Variants in ARHGAP23 observed in about 807,000 individuals in gnomAD.
ARHGAP23 encodes the protein rho GTPase-activating protein 23.
In ARHGAP23, 34 loss-of-function variants were observed where a neutral mutation model predicts 136.3. The ratio of observed to expected loss-of-function variants is 0.25; its 90% CI spans 0.19 to 0.33. ARHGAP23 has a LOEUF of 0.33. ARHGAP23 is among the 10% of genes least tolerant of loss of function. The pLI is 1.00. For synonymous variants in ARHGAP23, 832 were observed against 920.5 expected (o/e 0.90, Z 1.74); for missense variants, 1,808 against 2,139.0 (o/e 0.85, Z 3.05).
chr17:38,454,730 G>A (rs541178329), intron 1 of ARHGAP23, among the ~76,000 whole-genome samples: 180 of 152,246 alleles, frequency 1.2e-3, no homozygotes, highest in South Asian at 5.0e-3. Context: ...GTCACAGTGG[G>A]CGCCATGCCC....
At chr17:38,473,142 C>T (rs574463018) in intron 11 of ARHGAP23, among the ~76,000 whole-genome samples, 15 of 144,536 alleles carry the variant, frequency 1.0e-4, no homozygotes, top group East Asian at 6.1e-4. Context: ...TTAGTAGAGA[C>T]GGAGTTTCAC....
chr17:38,437,208 AT>A lies in ARHGAP23; in HGVS notation c.63+8675del, dbSNP rs11384705. ...GACAGGAGGATTGCTTGACGCCAGG[AT>A]TTTTTTTTTTTTTTGAGAGAGGGTT... On this transcript the variant is annotated intron_variant, in intron 1 of 23. Coordinates refer to ENST00000622683, the MANE Select transcript of ARHGAP23 (RefSeq NM_001199417.2). Among the ~76,000 whole-genome samples, 491 of 144,116 alleles carry A rather than the reference AT, an allele frequency of 3.4e-3. 2 individuals carry two copies. The highest frequency in any genetic ancestry group is 7.9e-3 in the African/African-American group (309 of 38,918). 94.5% of individuals were successfully genotyped at this position (144,116 alleles called of 152,430 possible).
intron 3 of ARHGAP23, among the ~76,000 whole-genome samples, chr17:38,462,600 A>G (rs2039488159): frequency 6.6e-6 from 1 of 152,178 alleles, no homozygotes; most frequent in South Asian, 2.1e-4. Context: ...AAGAGGACAC[A>G]GGAGGTGTTT....
At chr17:38,506,770 G>C (rs1201836363) in intron 23 of ARHGAP23, among the ~76,000 whole-genome samples, 2 of 152,160 alleles carry the variant, frequency 1.3e-5, no homozygotes, top group Non-Finnish European at 2.9e-5. Context: ...CAAACTGGGG[G>C]TTAGGGCTTC....
intron 6 of ARHGAP23, among the ~76,000 whole-genome samples, chr17:38,464,423 G>T (rs2039534511): frequency 6.6e-6 from 1 of 152,232 alleles, no homozygotes; most frequent in African/African-American, 2.4e-5. Context: ...TGCCCCTGAG[G>T]TCACTGTCCC....
chr17:38,447,446 A>G (rs2039060508), intron 1 of ARHGAP23, among the ~76,000 whole-genome samples: 1 of 148,360 alleles, frequency 6.7e-6, no homozygotes, highest in African/African-American at 2.5e-5. Flanking sequence ...TGAAAAAAAA[A>G]AAAAAAAAAA....
intron 16 of ARHGAP23, among the ~76,000 whole-genome samples, chr17:38,483,790 G>A (rs1399069049): frequency 1.3e-5 from 2 of 152,222 alleles, no homozygotes; most frequent in African/African-American, 2.4e-5. Context: ...TGGCTGGAGG[G>A]TTTGAGTATT....
At chr17:38,426,550 C>CAAAAAAAAAAA (rs751365956), upstream of ARHGAP23, among the ~76,000 whole-genome samples, 39 of 51,214 alleles carry the variant, frequency 7.6e-4, 2 homozygotes, top group Admixed American at 2.4e-3. Flanking sequence ...AACTCCATCT[C>CAAAAAAAAAAA]AAAAAAAAAA....
Position 38,511,071 on chromosome 17 carries a change from G to A in ARHGAP23, c.*99G>A. On this transcript the variant is annotated 3_prime_UTR_variant, in exon 24 of 24. Coordinates refer to ENST00000622683, the MANE Select transcript of ARHGAP23 (RefSeq NM_001199417.2). ...GCACCTCCTCTTCTGTGGCCCCTGGGTGCATGGTGTGGGTGGAGGGCGCAG... is the reference window on the plus strand; with the variant it reads ...GCACCTCCTCTTCTGTGGCCCCTGGATGCATGGTGTGGGTGGAGGGCGCAG... 3 of 1,241,750 alleles carry A rather than the reference G, an allele frequency of 2.4e-6. No individual in the cohort carries two copies. Among genetic ancestry groups the A allele is most frequent in the Non-Finnish European group, 3.1e-6 (3 of 957,400 alleles). 76.9% of individuals were successfully genotyped at this position (1,241,750 alleles called of 1,614,324 possible). A position where few individuals can be genotyped will look rare whatever the true frequency, so the allele number is the denominator to read the frequency against.
At chr17:38,440,678 C>T (rs1365847155) in intron 1 of ARHGAP23, among the ~76,000 whole-genome samples, 1 of 152,204 alleles carries the variant, frequency 6.6e-6, no homozygotes, top group African/African-American at 2.4e-5. Context: ...GAAAGAGGAA[C>T]CGGCTCTGAA....
intron 1 of ARHGAP23, among the ~76,000 whole-genome samples, chr17:38,445,348 G>A (rs1283382314): frequency 4.7e-5 from 7 of 147,564 alleles, no homozygotes; most frequent in East Asian, 2.0e-4. Flanking sequence ...ATGGTGGCTC[G>A]CATCTGTAGT....
At chr17:38,463,905 C>T (rs1392987713) in intron 6 of ARHGAP23, among the ~76,000 whole-genome samples, 2 of 152,186 alleles carry the variant, frequency 1.3e-5, no homozygotes, top group East Asian at 1.9e-4. Context: ...GCACCAGGCA[C>T]GTGCCGCAAT....
chr17:38,480,009 T>C (rs1369866462), intron 14 of ARHGAP23, 126 bp downstream of exon 14: 11 of 1,350,912 alleles, frequency 8.1e-6, no homozygotes, highest in Non-Finnish European at 1.0e-5. Context: ...GGGCTACCGG[T>C]ATGTCTGTCT....
chr17:38,436,528 A>T (rs1597743023), intron 1 of ARHGAP23, among the ~76,000 whole-genome samples: 1 of 152,336 alleles, frequency 6.6e-6, no homozygotes, highest in Non-Finnish European at 1.5e-5. Context: ...GCCGAATCGA[A>T]CCCACTGTCA....
At chr17:38,451,718 A>G (rs1228772631) in intron 1 of ARHGAP23, 1 of 152,304 alleles carries the variant, frequency 6.6e-6, no homozygotes, top group Non-Finnish European at 1.5e-5. Context: ...GGCTGGGGAC[A>G]TCTTGATGGT....
At chr17:38,472,546 C>T (rs1415837700) in intron 11 of ARHGAP23, among the ~76,000 whole-genome samples, 1 of 151,572 alleles carries the variant, frequency 6.6e-6, no homozygotes, top group African/African-American at 2.4e-5. Context: ...CGTGGAGATC[C>T]AGATGAGAGG....
intron 11 of ARHGAP23, 120 bp downstream of exon 11, chr17:38,472,126 A>T (rs2039774942): frequency 2.4e-6 from 3 of 1,232,396 alleles, no homozygotes; most frequent in Non-Finnish European, 3.3e-6. Flanking sequence ...TGCATGAAGG[A>T]TGGAGGTTAG....
At chr17:38,504,175 C>G (rs1450192693) in intron 23 of ARHGAP23, among the ~76,000 whole-genome samples, 1 of 152,180 alleles carries the variant, frequency 6.6e-6, no homozygotes, top group African/African-American at 2.4e-5. Flanking sequence ...GATTTTCTGG[C>G]ACAGGGACTG....
intron 12 of ARHGAP23, 81 bp from the exon 13 acceptor site, chr17:38,479,355 G>T: frequency 7.8e-7 from 1 of 1,282,278 alleles, no homozygotes. Context: ...TGGACAAGAG[G>T]GGAAGCAGGG....
Sources: allele counts gnomAD v4.1 joint callset (sites outside exome capture counted in the v4.1 genomes callset), GRCh38; gene constraint gnomAD v4.1.1; transcripts MANE v1.5; gene names NCBI Gene and HGNC (gene_info 2026-07-23, HGNC 2026-07-21).